The following NBEA variants were observed in gnomAD, a reference collection of about 807,000 sequenced individuals.
NBEA encodes lysosomal-trafficking regulator 2.
Under a neutral mutation model 343.4 loss-of-function variants are expected in NBEA, and 44 were observed. That is an observed-to-expected ratio of 0.13 (90% CI 0.10 to 0.16). NBEA has a LOEUF of 0.16. NBEA is among the 10% of genes least tolerant of loss of function. NBEA has a pLI of 1.00. For synonymous variants in NBEA, 1,175 were observed against 1,238.7 expected (o/e 0.95, Z 1.08); for missense variants, 2,555 against 3,631.3 (o/e 0.70, Z 7.62).
At chr13:35,051,849 TTTCTC>T (rs1417152067) in intron 6 of NBEA, among the ~76,000 whole-genome samples, 4 of 152,138 alleles carry the variant, frequency 2.6e-5, no homozygotes, top group Admixed American at 6.6e-5. Flanking sequence ...CTAGGTAACT[TTTCTC>T]TTCAGACAAT....
At chr13:35,020,983 C>T (rs1341332007) in intron 1 of NBEA, among the ~76,000 whole-genome samples, 1 of 152,146 alleles carries the variant, frequency 6.6e-6, no homozygotes, top group Non-Finnish European at 1.5e-5. Context: ...TTATTAGATG[C>T]ATTCACATGT....
At chr13:35,335,275 G>T (rs988071192) in intron 36 of NBEA, among the ~76,000 whole-genome samples, 6 of 152,142 alleles carry the variant, frequency 3.9e-5, no homozygotes, top group Non-Finnish European at 7.4e-5. Flanking sequence ...CAAGTAATGA[G>T]ATTTCCCCAG....
chr13:35,337,788 A>G (rs2039351139), intron 36 of NBEA, among the ~76,000 whole-genome samples: 1 of 152,118 alleles, frequency 6.6e-6, no homozygotes, highest in Non-Finnish European at 1.5e-5. Flanking sequence ...TCCAACCACA[A>G]TGGATTGGAA....
intron 41 of NBEA, 32 bp downstream of exon 41, chr13:35,472,568 G>A (rs1271484130): frequency 6.2e-7 from 1 of 1,613,376 alleles, no homozygotes; most frequent in Non-Finnish European, 8.5e-7. Context: ...TACAGTATTG[G>A]TGGCTTTGTG....
At chr13:35,442,106 A>C (rs2045770728) in intron 39 of NBEA, among the ~76,000 whole-genome samples, 1 of 152,142 alleles carries the variant, frequency 6.6e-6, no homozygotes, top group Non-Finnish European at 1.5e-5. Flanking sequence ...TACCAACAAA[A>C]GTGCCAAAAA....
At chr13:35,507,404 C>T (rs2077111281) in intron 41 of NBEA, among the ~76,000 whole-genome samples, 1 of 152,060 alleles carries the variant, frequency 6.6e-6, no homozygotes, top group Admixed American at 6.6e-5. Context: ...TCTAGCCTGA[C>T]TCTCTTTCTT....
chr13:35,368,232 A>G (rs1419071924), intron 38 of NBEA, among the ~76,000 whole-genome samples: 2 of 151,628 alleles, frequency 1.3e-5, no homozygotes, highest in African/African-American at 4.8e-5. Context: ...CTTCCCAGGT[A>G]AATTCCAGCT....
At chr13:35,492,376 A>G (rs888025551) in intron 41 of NBEA, among the ~76,000 whole-genome samples, 7 of 151,996 alleles carry the variant, frequency 4.6e-5, no homozygotes, top group Non-Finnish European at 1.0e-4. Flanking sequence ...AGGAAATGCA[A>G]GAGATAGTAT....
rs773486734 is a variant in NBEA, at chr13:35,182,508, T to C, written c.4811T>C (p.Ile1604Thr). Residue 1604 changes from isoleucine (I) to threonine (T), a missense_variant, in exon 29 of 59, where the codon ATA becomes ACA. Transcript: ENST00000379939. ...CCAGGTAGAAACATCAGGCAAGAAA[T>C]AAATTCACCAACAAGTACAGGTACT... ...SQPGRNIRQE[I>T]NSPTSTVVVI... 6.2e-6 allele frequency: 10 copies of C among 1,609,620 alleles called. No homozygotes were observed. The South Asian group carries it at 8.8e-5, about 14-fold the overall frequency.
intron 48 of NBEA, among the ~76,000 whole-genome samples, chr13:35,609,951 A>G (rs568855089): frequency 6.6e-6 from 1 of 152,200 alleles, no homozygotes; most frequent in African/African-American, 2.4e-5. Context: ...GTCCTCAGTG[A>G]TATCTCTTCT....
intron 31 of NBEA, among the ~76,000 whole-genome samples, chr13:35,201,431 G>A (rs887446622): frequency 2.0e-5 from 3 of 151,986 alleles, no homozygotes; most frequent in East Asian, 1.9e-4. Context: ...TTCACCTTGC[G>A]ATTTCTGATG....
intron 49 of NBEA, among the ~76,000 whole-genome samples, chr13:35,638,446 A>G (rs778392444): frequency 6.6e-6 from 1 of 152,202 alleles, no homozygotes; most frequent in Non-Finnish European, 1.5e-5. Flanking sequence ...TAGGTAGAGG[A>G]GTACTGGCCA....
At chr13:35,549,011 T>G (rs1594944034) in intron 41 of NBEA, among the ~76,000 whole-genome samples, 1 of 152,304 alleles carries the variant, frequency 6.6e-6, no homozygotes, top group East Asian at 1.9e-4. Context: ...TTATCACTGT[T>G]TTTCAGATGA....
chr13:35,577,133 C>T (rs1016174105), intron 45 of NBEA, among the ~76,000 whole-genome samples: 10 of 152,112 alleles, frequency 6.6e-5, no homozygotes, highest in African/African-American at 2.4e-4. Context: ...GTCTTTGTAA[C>T]CCCGCTAGAA....
intron 38 of NBEA, among the ~76,000 whole-genome samples, chr13:35,428,120 C>T (rs187455630): frequency 7.2e-5 from 11 of 152,302 alleles, no homozygotes; most frequent in East Asian, 1.9e-4. Context: ...GGCTCGCACA[C>T]GATCCGCTGC....
intron 38 of NBEA, among the ~76,000 whole-genome samples, chr13:35,363,524 C>G (rs1331873454): frequency 6.6e-6 from 1 of 151,918 alleles, no homozygotes; most frequent in Non-Finnish European, 1.5e-5. Flanking sequence ...CCTGTCCATC[C>G]TCTTCTTCTA....
chr13:35,009,757 C>T (rs1411891173), intron 1 of NBEA, among the ~76,000 whole-genome samples: 1 of 152,126 alleles, frequency 6.6e-6, no homozygotes, highest in African/African-American at 2.4e-5. Context: ...GATGCAGAGA[C>T]ACCACCTGGA....
At chr13:35,095,354 A>G (rs1451155778) in intron 10 of NBEA, among the ~76,000 whole-genome samples, 2 of 151,232 alleles carry the variant, frequency 1.3e-5, no homozygotes. Context: ...ATGTTTATAC[A>G]TAGTTAATAA....
At chr13:35,070,220 C>A in intron 9 of NBEA, 115 bp downstream of exon 9, 1 of 1,025,750 alleles carries the variant, frequency 9.7e-7, no homozygotes, top group Non-Finnish European at 1.3e-6. Flanking sequence ...TCTTTTTTGG[C>A]TTTTGCAGAT....
Sources: gnomAD v4.1 joint callset for allele counts (sites outside exome capture counted in the v4.1 genomes callset) on GRCh38, gnomAD v4.1.1 for gene constraint, MANE v1.5 for transcripts, NCBI Gene and HGNC (gene_info 2026-07-23, HGNC 2026-07-21) for gene names.